Variants in RCSD1 observed in about 807,000 individuals in gnomAD.
RCSD1 encodes the protein capZ-interacting protein.
In RCSD1, 26 loss-of-function variants were observed where a neutral mutation model predicts 42.5. The observed-to-expected ratio is 0.61, with a 90% confidence interval of 0.45 to 0.85. The LOEUF (loss-of-function observed/expected upper bound fraction) is 0.85, where lower values mean the gene tolerates loss of function less well. Among genes scored for constraint, RCSD1 ranks in the 40% least tolerant of loss-of-function variants. RCSD1 has a pLI of 0.00. For synonymous variants in RCSD1, 220 were observed against 212.2 expected (o/e 1.04, Z -0.32); for missense variants, 571 against 528.3 (o/e 1.08, Z -0.79).
chr1:167,648,401 T>C (rs1376184013), intron 1 of RCSD1, among the ~76,000 whole-genome samples: 3 of 152,256 alleles, frequency 2.0e-5, no homozygotes, highest in East Asian at 1.9e-4. Context: ...AAATCAGCCC[T>C]GGCCTTCCTT....
intron 1 of RCSD1, among the ~76,000 whole-genome samples, chr1:167,668,189 G>T (rs1658705913): frequency 1.3e-5 from 2 of 152,058 alleles, no homozygotes; most frequent in Non-Finnish European, 2.9e-5. Context: ...GGAGGCTGCG[G>T]CAGGAGAATC....
intron 6 of RCSD1, among the ~76,000 whole-genome samples, chr1:167,698,796 T>G (rs1405920071): frequency 6.7e-6 from 1 of 148,338 alleles, no homozygotes; most frequent in Non-Finnish European, 1.5e-5. Context: ...TTGTTTTTTG[T>G]TTTTGTTTTT....
rs148994950 is a variant in RCSD1 at position 167,675,541 on chromosome 1, C to T, written c.7-8359C>T. On this transcript the variant is annotated intron_variant, in intron 1 of 6. Coordinates refer to ENST00000367854, the MANE Select transcript of RCSD1 (RefSeq NM_052862.4). ...GCTAGAATTCAAGATGAGATTTGGG[C>T]GGGGACACAGCCAAACCATGTCAGA... Among the ~76,000 whole-genome samples the T allele has an allele frequency of 4.5e-4, 68 of 152,168 alleles. 1 individual carries two copies. Among genetic ancestry groups the T allele is most frequent in the Admixed American group, 1.4e-3 (22 of 15,268 alleles).
chr1:167,692,537 T>C (rs904594266), intron 4 of RCSD1, among the ~76,000 whole-genome samples: 1 of 151,980 alleles, frequency 6.6e-6, no homozygotes. Flanking sequence ...TTATTTTTTT[T>C]AGACAAGGTC....
At chr1:167,685,383 C>CT in intron 2 of RCSD1, 38 bp from the exon 3 acceptor site, 4 of 1,571,088 alleles carry the variant, frequency 2.5e-6, no homozygotes, top group Non-Finnish European at 3.5e-6. Context: ...TCAGTGCTCT[C>CT]TTTTTCTCTG....
At chr1:167,694,971 CAA>C (rs1571105197) in intron 5 of RCSD1, among the ~76,000 whole-genome samples, 1 of 152,050 alleles carries the variant, frequency 6.6e-6, no homozygotes, top group East Asian at 1.9e-4. Flanking sequence ...AAGCAGGGGC[CAA>C]GACTTCTTGG....
At chr1:167,676,940 G>A (rs1186520309) in intron 1 of RCSD1, among the ~76,000 whole-genome samples, 1 of 152,244 alleles carries the variant, frequency 6.6e-6, no homozygotes, top group East Asian at 1.9e-4. Context: ...CAGGCTCAAT[G>A]CCTGCGTGTG....
At chr1:167,664,451 T>G (rs1174759512) in intron 1 of RCSD1, 2 of 152,280 alleles carry the variant, frequency 1.3e-5, no homozygotes, top group Non-Finnish European at 2.9e-5. Context: ...ACTTTTGTAT[T>G]TGAACTATCA....
chr1:167,685,573 A>C, intron 3 of RCSD1, 63 bp downstream of exon 3: 2 of 1,417,870 alleles, frequency 1.4e-6, no homozygotes, highest in Non-Finnish European at 2.0e-6. Flanking sequence ...TTCTTGAGGA[A>C]AGTTTGGAGG....
chr1:167,667,843 G>A (rs1658696682), intron 1 of RCSD1, among the ~76,000 whole-genome samples: 1 of 152,140 alleles, frequency 6.6e-6, no homozygotes, highest in African/African-American at 2.4e-5. Context: ...AGTGGTATTG[G>A]TTTACGGAGG....
chr1:167,701,407 GTAAT>G (rs1443526419), intron 6 of RCSD1, among the ~76,000 whole-genome samples: 1 of 151,842 alleles, frequency 6.6e-6, no homozygotes, highest in Non-Finnish European at 1.5e-5. Context: ...CCAGGTTCAA[GTAAT>G]TCTCCTGCCT....
At chr1:167,673,570 C>G (rs7544614) in intron 1 of RCSD1, among the ~76,000 whole-genome samples, 115,643 of 152,154 alleles carry the variant, frequency 0.76, 44,558 homozygotes, top group African/African-American at 0.89. Flanking sequence ...TTGCCCACCT[C>G]ATTTTACAGA....
At chr1:167,672,057 A>C (rs1254641651) in intron 1 of RCSD1, among the ~76,000 whole-genome samples, 3 of 152,020 alleles carry the variant, frequency 2.0e-5, no homozygotes, top group Non-Finnish European at 4.4e-5. Flanking sequence ...TAGCACCCAC[A>C]ACTCAATGTC....
Position 167,697,270 on chromosome 1 carries a change from T to A in RCSD1, c.646T>A (p.Ser216Thr). The change falls in exon 6 of 7, where the codon TCC becomes ACC. Residue 216 changes from serine to threonine, a missense_variant. Coordinates refer to ENST00000367854, the MANE Select transcript of RCSD1 (RefSeq NM_052862.4). ...VLPSKSKAPG[S>T]PLSSEGAAGE... The stretch of plus-strand genomic sequence containing the variant: ...GCCATCCAAGAGCAAGGCCCCAGGA[T>A]CCCCTTTGTCCAGTGAGGGAGCAGC... 1 of 1,613,926 alleles carries A rather than the reference T, an allele frequency of 6.2e-7. No homozygotes were observed. The highest frequency in any genetic ancestry group is 1.1e-5 in the South Asian group (1 of 91,064).
Position 167,697,302 on chromosome 1 carries a change from G to A in RCSD1, c.678G>A (p.Glu226=), listed in dbSNP as rs768753003. ...SPLSSEGAAG[E]GVRTLGPAEK... Reference sequence around the variant, plus strand: ...TGTCCAGTGAGGGAGCAGCGGGAGAGGGAGTGAGAACCCTGGGACCTGCTG... The same window carrying A: ...TGTCCAGTGAGGGAGCAGCGGGAGAAGGAGTGAGAACCCTGGGACCTGCTG... The change falls in exon 6 of 7, where the codon GAG becomes GAA. Residue 226 remains glutamate, a synonymous_variant. Coordinates refer to ENST00000367854, the MANE Select transcript of RCSD1 (RefSeq NM_052862.4). 6.2e-7 allele frequency: 1 copy of A among 1,614,164 alleles called. No individual in the cohort carries two copies. Among genetic ancestry groups the A allele is most frequent in the Non-Finnish European group, 8.5e-7 (1 of 1,180,020 alleles).
intron 1 of RCSD1, among the ~76,000 whole-genome samples, chr1:167,670,684 G>A (rs1473433371): frequency 2.0e-5 from 3 of 151,972 alleles, no homozygotes; most frequent in African/African-American, 7.3e-5. Flanking sequence ...CTCCACTCTG[G>A]CAACTCACCC....
chr1:167,638,096 C>T (rs1481483666), intron 1 of RCSD1, among the ~76,000 whole-genome samples: 2 of 152,210 alleles, frequency 1.3e-5, no homozygotes, highest in Non-Finnish European at 1.5e-5. Context: ...ATAGTTCATT[C>T]CCAATGCGTG....
rs540014282 is a variant in RCSD1, at chr1:167,646,887, T to C, written c.6+16458T>C. On this transcript the variant is annotated intron_variant, in intron 1 of 6. Coordinates refer to ENST00000367854, the MANE Select transcript of RCSD1 (RefSeq NM_052862.4). ...GCTCATGCCTGTAATCCCAGCACTT[T>C]GGGAGGACAAGGAGGGTGGATCACC... 4.6e-5 allele frequency among the ~76,000 whole-genome samples: 7 copies of C among 152,214 alleles called. No individual in the cohort carries two copies. The South Asian group carries it at 8.3e-4, about 18-fold the overall frequency.
intron 1 of RCSD1, among the ~76,000 whole-genome samples, chr1:167,650,514 GTGTT>G (rs1658275072): frequency 6.6e-6 from 1 of 152,092 alleles, no homozygotes. Flanking sequence ...TGACTCTCGA[GTGTT>G]TGGGTCCAGC....
Sources: allele counts gnomAD v4.1 joint callset (sites outside exome capture counted in the v4.1 genomes callset), GRCh38; gene constraint gnomAD v4.1.1; transcripts MANE v1.5; gene names NCBI Gene and HGNC (gene_info 2026-07-23, HGNC 2026-07-21).